Variants in CCDC172 observed in about 807,000 individuals in gnomAD.
CCDC172 encodes the protein coiled-coil domain-containing protein 172.
CCDC172 carries 30 observed loss-of-function variants against 38.0 expected under a neutral mutation model. The ratio of observed to expected loss-of-function variants is 0.79; its 90% CI spans 0.59 to 1.07. The LOEUF (loss-of-function observed/expected upper bound fraction) is 1.07. Among genes scored for constraint, CCDC172 ranks in the 50% least tolerant of loss-of-function variants. The probability of loss-of-function intolerance (pLI) is 0.00; values close to 1 mark genes in which losing one functional copy is unlikely to be tolerated. For missense variants in CCDC172, 297 were observed against 290.1 expected (o/e 1.02, Z -0.17); for synonymous variants, 78 against 88.3 (o/e 0.88, Z 0.66).
At position 116,340,733 on chromosome 10, in the gene CCDC172, G is replaced by C. The variant is rs1177885344; in HGVS notation, c.166-1G>C. The C allele has an allele frequency of 2.7e-6, 4 of 1,486,406 alleles. No individual in the cohort carries two copies. In the African/African-American group the frequency reaches 4.2e-5, roughly 16 times the overall value. 92.1% of individuals were successfully genotyped at this position (1,486,406 alleles called of 1,614,324 possible). A position where few individuals can be genotyped will look rare whatever the true frequency, so the allele number is the denominator to read the frequency against. ...CTGATTTCTGTTTTTGTACTTTGAA[G>C]GTTCAACAGTTTTTTGAAAAATCCT... is the stretch of plus-strand genomic sequence containing the variant. On this transcript the variant is annotated splice_acceptor_variant, in intron 3 of 8. Transcript: ENST00000333254. LOFTEE classifies it high-confidence loss of function.
chr10:116,349,318 C>G (rs1844903377), intron 5 of CCDC172, among the ~76,000 whole-genome samples: 1 of 152,162 alleles, frequency 6.6e-6, no homozygotes, highest in Non-Finnish European at 1.5e-5. Flanking sequence ...CCTGAAGCCA[C>G]TCCTCTCCCT....
chr10:116,347,705 C>G (rs933694797), intron 5 of CCDC172, among the ~76,000 whole-genome samples: 2 of 152,054 alleles, frequency 1.3e-5, no homozygotes, highest in African/African-American at 4.8e-5. Flanking sequence ...TATTATATAA[C>G]AGTGTTCTAA....
intron 5 of CCDC172, among the ~76,000 whole-genome samples, chr10:116,352,847 T>C (rs1157612684): frequency 6.6e-6 from 1 of 151,350 alleles, no homozygotes; most frequent in Non-Finnish European, 1.5e-5. Context: ...TATTCAAAGA[T>C]AACATGATCT....
chr10:116,338,528 G>T lies in CCDC172; in HGVS notation c.166-2206G>T, dbSNP rs569442966. ...TAGGGAAGAGGAAAATTATGGATATGCCCTTTTTATAAATCTTTAGAACAG... is the reference window on the plus strand; with the variant it reads ...TAGGGAAGAGGAAAATTATGGATATTCCCTTTTTATAAATCTTTAGAACAG... On this transcript the variant is annotated intron_variant, in intron 3 of 8. Coordinates refer to ENST00000333254, the MANE Select transcript of CCDC172 (RefSeq NM_198515.3). Among the ~76,000 whole-genome samples, 3 of 152,164 alleles carry T rather than the reference G, an allele frequency of 2.0e-5. No homozygotes were observed. The East Asian group carries it at 5.8e-4, about 29-fold the overall frequency.
intron 3 of CCDC172, among the ~76,000 whole-genome samples, chr10:116,330,051 G>A (rs968639912): frequency 2.0e-5 from 3 of 152,072 alleles, no homozygotes; most frequent in Non-Finnish European, 4.4e-5. Context: ...TTTCTGAAAC[G>A]CCATTTTTAC....
At chr10:116,336,091 C>T (rs776261565) in intron 3 of CCDC172, among the ~76,000 whole-genome samples, 5 of 151,912 alleles carry the variant, frequency 3.3e-5, no homozygotes, top group East Asian at 1.9e-4. Flanking sequence ...TGCTTGAATC[C>T]GCGAGGCGGA....
chr10:116,361,749 C>G (rs1845067181), intron 7 of CCDC172, among the ~76,000 whole-genome samples: 1 of 152,164 alleles, frequency 6.6e-6, no homozygotes, highest in Non-Finnish European at 1.5e-5. Flanking sequence ...AAAAAGTCAT[C>G]TAGTTAAGTT....
At chr10:116,334,745 T>C (rs559625248) in intron 3 of CCDC172, among the ~76,000 whole-genome samples, 9 of 152,190 alleles carry the variant, frequency 5.9e-5, no homozygotes, top group African/African-American at 2.2e-4. Context: ...ATAAATCAAA[T>C]TGCTGTGTCA....
chr10:116,350,200 C>T (rs550294815), intron 5 of CCDC172, among the ~76,000 whole-genome samples: 38 of 152,058 alleles, frequency 2.5e-4, no homozygotes, highest in Non-Finnish European at 5.3e-4. Flanking sequence ...AGCAAAAGAG[C>T]GAAGGGTCTC....
intron 7 of CCDC172, among the ~76,000 whole-genome samples, chr10:116,369,953 T>G (rs1450897564): frequency 6.6e-6 from 1 of 151,982 alleles, no homozygotes; most frequent in Admixed American, 6.6e-5. Flanking sequence ...CTCTTCATTA[T>G]GAGTGAATTT....
At position 116,342,372 on chromosome 10, in the gene CCDC172, A is replaced by G. The variant is rs1374256742; in HGVS notation, c.448+171A>G. The G allele has an allele frequency of 6.2e-6, 3 of 486,864 alleles. No individual in the cohort carries two copies. The Admixed American group carries it at 1.3e-4, about 22-fold the overall frequency. The allele number at this position is 486,864 out of a possible 1,614,324, so 30.2% of individuals were successfully genotyped here. On this transcript the variant is annotated intron_variant, in intron 5 of 8. Coordinates refer to ENST00000333254, the MANE Select transcript of CCDC172 (RefSeq NM_198515.3). ...GTATCTTCTATTGTGAGCAGTTTCAAATGATTTAGAAGTACATGTGACATG... is the reference window on the plus strand; with the variant it reads ...GTATCTTCTATTGTGAGCAGTTTCAGATGATTTAGAAGTACATGTGACATG...
chr10:116,361,319 CA>C (rs1300495869), intron 7 of CCDC172, among the ~76,000 whole-genome samples: 1 of 151,990 alleles, frequency 6.6e-6, no homozygotes, highest in Non-Finnish European at 1.5e-5. Flanking sequence ...CGAGGTTTAC[CA>C]AAATGCACAG....
intron 7 of CCDC172, among the ~76,000 whole-genome samples, chr10:116,374,348 C>T (rs1482720082): frequency 6.6e-6 from 1 of 152,062 alleles, no homozygotes; most frequent in East Asian, 1.9e-4. Flanking sequence ...CTAAGATCTA[C>T]AGTGCAATAA....
intron 7 of CCDC172, among the ~76,000 whole-genome samples, chr10:116,372,271 A>C (rs1845194109): frequency 6.6e-6 from 1 of 152,106 alleles, no homozygotes; most frequent in South Asian, 2.1e-4. Context: ...TTTTGAATTA[A>C]AAAAATTTAA....
intron 5 of CCDC172, among the ~76,000 whole-genome samples, chr10:116,345,926 C>T (rs1232258708): frequency 6.6e-6 from 1 of 152,132 alleles, no homozygotes; most frequent in African/African-American, 2.4e-5. Context: ...ATTTACCATA[C>T]AGCCCAGCCA....
At chr10:116,337,636 T>G (rs1844747566) in intron 3 of CCDC172, among the ~76,000 whole-genome samples, 1 of 152,192 alleles carries the variant, frequency 6.6e-6, no homozygotes, top group Non-Finnish European at 1.5e-5. Flanking sequence ...TAAGTTTTTG[T>G]TTACTATAAA....
At chr10:116,343,532 T>TA (rs201160691) in intron 5 of CCDC172, among the ~76,000 whole-genome samples, 4 of 136,586 alleles carry the variant, frequency 2.9e-5, no homozygotes, top group Non-Finnish European at 3.1e-5. Flanking sequence ...TTTTTTTTTT[T>TA]AAAAAAATAT....
intron 7 of CCDC172, among the ~76,000 whole-genome samples, chr10:116,359,729 A>C (rs975869996): frequency 3.3e-5 from 5 of 152,220 alleles, no homozygotes; most frequent in African/African-American, 1.2e-4. Flanking sequence ...TAAGAAAGCA[A>C]TTACAGAGGA....
intron 7 of CCDC172, among the ~76,000 whole-genome samples, chr10:116,376,709 C>T (rs953953961): frequency 2.6e-5 from 4 of 151,988 alleles, no homozygotes; most frequent in African/African-American, 9.7e-5. Flanking sequence ...TTAAAGGGAC[C>T]AGAATATACC....
Sources: allele counts gnomAD v4.1 joint callset (sites outside exome capture counted in the v4.1 genomes callset), GRCh38; gene constraint gnomAD v4.1.1; transcripts MANE v1.5; gene names NCBI Gene and HGNC (gene_info 2026-07-23, HGNC 2026-07-21).